GLIPR1L1: variants seen among roughly 807,000 people sequenced by gnomAD.
GLIPR1L1 encodes the protein GLIPR1-like protein 1.
A neutral mutation model predicts 29.9 loss-of-function variants in GLIPR1L1; 26 were observed. That is an observed-to-expected ratio of 0.87 (90% CI 0.64 to 1.21). The LOEUF (loss-of-function observed/expected upper bound fraction) is 1.21, where lower values mean the gene tolerates loss of function less well. Ranked by LOEUF, GLIPR1L1 falls within the 50% of genes most tolerant of loss-of-function variation. The pLI is 0.00. For synonymous variants in GLIPR1L1, 77 were observed against 97.5 expected, an observed-to-expected ratio of 0.79 and a Z score of 1.24; for missense variants, 305 against 290.3, an observed-to-expected ratio of 1.05 and a Z score of -0.37.
intron 1 of GLIPR1L1, among the ~76,000 whole-genome samples, chr12:75,338,156 G>T (rs921652330): frequency 6.6e-6 from 1 of 151,992 alleles, no homozygotes; most frequent in Non-Finnish European, 1.5e-5. Context: ...AACATTACAG[G>T]TTAGAAAATT....
chr12:75,354,805 G>A (rs2043044372), intron 3 of GLIPR1L1, among the ~76,000 whole-genome samples: 1 of 152,094 alleles, frequency 6.6e-6, no homozygotes, highest in Admixed American at 6.6e-5. Flanking sequence ...GAACAGAATG[G>A]AGAACTCAGA....
intron 2 of GLIPR1L1, among the ~76,000 whole-genome samples, chr12:75,345,536 T>G (rs1232476658): frequency 2.0e-5 from 3 of 152,184 alleles, no homozygotes; most frequent in African/African-American, 7.2e-5. Context: ...AGCAACTTGT[T>G]CTTATCAGAG....
intron 4 of GLIPR1L1, chr12:75,366,902 T>C (rs1353218056): frequency 1.4e-6 from 1 of 701,654 alleles, no homozygotes; most frequent in Non-Finnish European, 2.6e-6. Flanking sequence ...GTAGGGCCAC[T>C]GCATGTCAAA....
intron 2 of GLIPR1L1, among the ~76,000 whole-genome samples, chr12:75,345,372 TGTAA>T (rs1171949833): frequency 1.3e-5 from 2 of 152,148 alleles, no homozygotes; most frequent in East Asian, 1.9e-4. Context: ...CAGATAGAAG[TGTAA>T]GTGTGTCTAA....
intron 1 of GLIPR1L1, among the ~76,000 whole-genome samples, chr12:75,337,119 A>T (rs548081152): frequency 6.6e-6 from 1 of 151,882 alleles, no homozygotes; most frequent in African/African-American, 2.4e-5. Flanking sequence ...GTTTGGAAGC[A>T]TACGTATAGA....
intron 4 of GLIPR1L1, 71 bp downstream of exon 4, chr12:75,363,261 T>A (rs1189398776): frequency 5.6e-6 from 4 of 708,054 alleles, no homozygotes; most frequent in Non-Finnish European, 8.3e-6. Context: ...AATTTTAAAA[T>A]TTGGCTTCTC....
chr12:75,364,861 CCA>C (rs1487538028), intron 4 of GLIPR1L1: 1 of 151,878 alleles, frequency 6.6e-6, no homozygotes, highest in Admixed American at 6.6e-5. Context: ...CTGGGAGTAC[CCA>C]GGAGGCTTTG....
At chr12:75,348,827 G>A (rs1007855668) in intron 3 of GLIPR1L1, among the ~76,000 whole-genome samples, 2 of 152,082 alleles carry the variant, frequency 1.3e-5, no homozygotes, top group Non-Finnish European at 2.9e-5. Flanking sequence ...ATGAAGCAAT[G>A]GTTTTAAAGA....
intron 4 of GLIPR1L1, among the ~76,000 whole-genome samples, chr12:75,365,680 A>C (rs886155951): frequency 1.3e-5 from 2 of 152,276 alleles, no homozygotes; most frequent in Middle Eastern, 3.4e-3. Context: ...ATTCTATTAC[A>C]TTTACCTCAT....
At chr12:75,355,220 A>C (rs1187994726) in intron 3 of GLIPR1L1, among the ~76,000 whole-genome samples, 2 of 152,228 alleles carry the variant, frequency 1.3e-5, no homozygotes, top group Non-Finnish European at 2.9e-5. Flanking sequence ...AAATTTTAGC[A>C]ATCTATCCAT....
chr12:75,346,021 A>G (rs1024820824), intron 2 of GLIPR1L1, among the ~76,000 whole-genome samples: 1 of 152,220 alleles, frequency 6.6e-6, no homozygotes, highest in African/African-American at 2.4e-5. Flanking sequence ...TCTTGCACTT[A>G]TCACCTACTG....
intron 1 of GLIPR1L1, 125 bp from the exon 2 acceptor site, chr12:75,343,568 A>G (rs2042256277): frequency 1.4e-6 from 1 of 739,602 alleles, no homozygotes; most frequent in African/African-American, 1.8e-5. Flanking sequence ...CATAATAAAT[A>G]CCAAAGAAAA....
intron 3 of GLIPR1L1, among the ~76,000 whole-genome samples, chr12:75,354,419 TA>T (rs369074342): frequency 1.5e-4 from 23 of 149,756 alleles, no homozygotes; most frequent in African/African-American, 3.9e-4. Context: ...GGAATACAGC[TA>T]AAAAAAAAGT....
intron 2 of GLIPR1L1, among the ~76,000 whole-genome samples, chr12:75,344,483 T>C (rs2042319900): frequency 6.6e-6 from 1 of 152,154 alleles, no homozygotes; most frequent in African/African-American, 2.4e-5. Context: ...TATTTTTACA[T>C]CTTCAATGAA....
chr12:75,369,682 A>G, intron 4 of GLIPR1L1: 1 of 984,942 alleles, frequency 1.0e-6, no homozygotes, highest in Non-Finnish European at 1.2e-6. Context: ...AGTGGGAAAA[A>G]TAAAGTTAAC....
intron 3 of GLIPR1L1, among the ~76,000 whole-genome samples, chr12:75,355,655 C>A (rs2043108112): frequency 6.6e-6 from 1 of 152,076 alleles, no homozygotes; most frequent in Admixed American, 6.5e-5. Context: ...ATAAATTATT[C>A]TATTACAAAG....
At chr12:75,350,053 G>C (rs2139425711) in intron 3 of GLIPR1L1, among the ~76,000 whole-genome samples, 1 of 152,336 alleles carries the variant, frequency 6.6e-6, no homozygotes, top group South Asian at 2.1e-4. Context: ...CCCTGCTGCT[G>C]GTGCCAGCAA....
At chr12:75,360,973 T>A (rs2043546509) in intron 3 of GLIPR1L1, 1 of 152,122 alleles carries the variant, frequency 6.6e-6, no homozygotes, top group African/African-American at 2.4e-5. Flanking sequence ...CTCAGATAAG[T>A]CTGAGGTCTT....
chr12:75,370,393 CAT>C lies in GLIPR1L1; in HGVS notation c.*220_*221del. 2 of 390,220 alleles carry C rather than the reference CAT, an allele frequency of 5.1e-6. No homozygotes were observed. The highest frequency in any genetic ancestry group is 4.6e-6 in the Non-Finnish European group (1 of 215,902). The allele number at this position is 390,220 out of a possible 1,614,324, so 24.2% of individuals were successfully genotyped here. On this transcript the variant is annotated 3_prime_UTR_variant, in exon 6 of 6. Transcript: ENST00000378695. ...TAAGATTATTTTTTAATTACAAATC[CAT>C]ATGTGTATCAAAAGTGTTCCACTCT...
Sources: allele counts gnomAD v4.1 joint callset (sites outside exome capture counted in the v4.1 genomes callset), GRCh38; gene constraint gnomAD v4.1.1; transcripts MANE v1.5; gene names NCBI Gene and HGNC (gene_info 2026-07-23, HGNC 2026-07-21).